Variants in C20orf96 observed in about 807,000 individuals in gnomAD.
C20orf96 encodes the protein uncharacterized protein C20orf96.
In C20orf96, 57 loss-of-function variants were observed where a neutral mutation model predicts 52.6. The observed-to-expected ratio is 1.08, with a 90% CI of 0.88 to 1.35. The LOEUF (loss-of-function observed/expected upper bound fraction) is 1.35, where lower values mean the gene tolerates loss of function less well. Ranked by LOEUF, C20orf96 falls within the 40% of genes most tolerant of loss-of-function variation. The pLI is 0.00. For synonymous variants in C20orf96, 168 were observed against 157.2 expected, an observed-to-expected ratio of 1.07 and a Z score of -0.51; for missense variants, 478 against 443.6, an observed-to-expected ratio of 1.08 and a Z score of -0.70.
In C20orf96 at chr20:277,099, G is replaced by A. The variant is rs774507819; in HGVS notation, c.770C>T (p.Ser257Phe). The change falls in exon 8 of 11, where the codon TCC becomes TTC. Residue 257 changes from serine to phenylalanine, a missense_variant. By Grantham distance (155) the Ser-to-Phe change is radical. Transcript: ENST00000360321. Reference sequence around the variant, plus strand: ...CTTCTTCTGAATCTTGTCAGACAAGGATTCCAGGACCTTTCTGCGCATCTC... The same window carrying A: ...CTTCTTCTGAATCTTGTCAGACAAGAATTCCAGGACCTTTCTGCGCATCTC... ...LGEMRRKVLE[S>F]LSDKIQKKKK... 1 of 1,613,950 alleles carries A rather than the reference G, an allele frequency of 6.2e-7. No homozygotes were observed. Among genetic ancestry groups the A allele is most frequent in the South Asian group, 1.1e-5 (1 of 91,072 alleles).
chr20:271,826 T>C, intron 10 of C20orf96, among the ~76,000 whole-genome samples: 1 of 152,210 alleles, frequency 6.6e-6, no homozygotes. Context: ...TGCCAGCAGG[T>C]AATAAGTGCT....
intron 10 of C20orf96, 128 bp downstream of exon 10, chr20:275,840 C>T (rs1600184164): frequency 6.9e-6 from 6 of 875,726 alleles, no homozygotes; most frequent in South Asian, 1.5e-5. Flanking sequence ...GGTGGAAACC[C>T]AGGACCGCCC....
chr20:281,184 C>A (rs887501134), intron 4 of C20orf96, among the ~76,000 whole-genome samples: 1 of 152,004 alleles, frequency 6.6e-6, no homozygotes, highest in Non-Finnish European at 1.5e-5. Context: ...TAAATAAATA[C>A]AATTTTAAAA....
intron 8 of C20orf96, 59 bp downstream of exon 8, chr20:276,985 G>A: frequency 6.3e-7 from 1 of 1,595,860 alleles, no homozygotes; most frequent in Non-Finnish European, 8.6e-7. Flanking sequence ...GGATGGGGAA[G>A]AGGGCGGGGT....
chr20:283,937 G>C (rs1339991330), intron 4 of C20orf96, 26 bp downstream of exon 4: 1 of 1,500,492 alleles, frequency 6.7e-7, no homozygotes, highest in Admixed American at 1.7e-5. Flanking sequence ...CCTGGGCCCA[G>C]TGTCCAGGGA....
chr20:277,797 C>T (rs1372311871), intron 6 of C20orf96, among the ~76,000 whole-genome samples: 1 of 120,072 alleles, frequency 8.3e-6, no homozygotes, highest in Non-Finnish European at 1.9e-5. Flanking sequence ...TCCTGTCTTC[C>T]TCCAGAGAGA....
chr20:277,403 G>A lies in C20orf96; in HGVS notation c.566-20C>T. ...CAAGATCTGGGGAGGGGTTAGGGAG[G>A]TCAGCAGGGACAGGAGGCAAGACCT... On this transcript the variant is annotated intron_variant, in intron 6 of 10. Transcript: ENST00000360321. 6.2e-7 allele frequency: 1 copy of A among 1,612,314 alleles called. No individual in the cohort carries two copies.
At chr20:276,464 A>G in intron 9 of C20orf96, 2 of 985,450 alleles carry the variant, frequency 2.0e-6, no homozygotes, top group Non-Finnish European at 2.4e-6. Context: ...AAGTTCATTA[A>G]CACTGATAAT....
intron 3 of C20orf96, among the ~76,000 whole-genome samples, chr20:286,308 G>T (rs1487406510): frequency 6.6e-6 from 1 of 152,128 alleles, no homozygotes. Flanking sequence ...CCTGAGGTTA[G>T]GAGTTCAAGA....
Position 271,106 on chromosome 20 carries a change from G to T in C20orf96, c.*101C>A. 4 of 985,604 alleles carry T rather than the reference G, an allele frequency of 4.1e-6. No homozygotes were observed. Among genetic ancestry groups the T allele is most frequent in the Non-Finnish European group, 4.7e-6 (3 of 637,364 alleles). The allele number at this position is 985,604 out of a possible 1,614,324, so 61.1% of individuals were successfully genotyped here. ...GGGCAGAGGGAGCAGGGAGACTGTA[G>T]ATCAGGGTCTGAATGGAGATCCGGT... On this transcript the variant is annotated 3_prime_UTR_variant, in exon 11 of 11. Coordinates refer to ENST00000360321, the MANE Select transcript of C20orf96 (RefSeq NM_153269.3).
intron 6 of C20orf96, among the ~76,000 whole-genome samples, 167 bp from the exon 7 acceptor site, chr20:277,550 C>G (rs6132242): frequency 0.66 from 99,786 of 151,636 alleles, 33,953 homozygotes; most frequent in African/African-American, 0.85. Flanking sequence ...AGGCTCTAGA[C>G]GGTTTTCCAC....
rs117608505 is a variant in C20orf96, at chr20:283,034, G to A, written c.306+929C>T. On this transcript the variant is annotated intron_variant, in intron 4 of 10. Coordinates refer to ENST00000360321, the MANE Select transcript of C20orf96 (RefSeq NM_153269.3). ...CTTTATATAGTAGTCATTGTTCATT[G>A]AGCTATTAAAAATTTTCTTGAAGAA... 2.3e-3 allele frequency among the ~76,000 whole-genome samples: 350 copies of A among 152,228 alleles called. 11 individuals carry two copies. The East Asian group carries it at 0.054, about 24-fold the overall frequency.
chr20:286,710 A>G (rs6082182), intron 3 of C20orf96, among the ~76,000 whole-genome samples: 48,250 of 152,020 alleles, frequency 0.32, 8,384 homozygotes, highest in East Asian at 0.49. Context: ...TATCACAACC[A>G]GGATATTGAC....
At chr20:282,414 A>G (rs2012275619) in intron 4 of C20orf96, among the ~76,000 whole-genome samples, 1 of 152,230 alleles carries the variant, frequency 6.6e-6, no homozygotes, top group South Asian at 2.1e-4. Context: ...GGCACATGGT[A>G]GGTGCTCAAT....
chr20:286,775 G>A (rs780914588), intron 3 of C20orf96, among the ~76,000 whole-genome samples: 3 of 151,948 alleles, frequency 2.0e-5, no homozygotes, highest in South Asian at 2.1e-4. Context: ...CCTGCCTGTC[G>A]CCTTCTACAA....
chr20:278,355 T>C lies in C20orf96; in HGVS notation c.540A>G (p.Glu180=). 1 of 1,613,960 alleles carries C rather than the reference T, an allele frequency of 6.2e-7. No individual in the cohort carries two copies. The highest frequency in any genetic ancestry group is 8.5e-7 in the Non-Finnish European group (1 of 1,179,848). The change falls in exon 6 of 11, where the codon GAA becomes GAG. Residue 180 remains glutamate, a synonymous_variant. Transcript: ENST00000360321. ...AGCTCATCTTGCATTTCTTCTTTTC[T>C]TCCCACTCCTGAAGCTCAGATTTCA... is the stretch of plus-strand genomic sequence containing the variant. ...QQLKSELQEW[E]EKKKCKMSYL...
intron 10 of C20orf96, among the ~76,000 whole-genome samples, chr20:273,916 AGG>A (rs1843017770): frequency 2.0e-5 from 1 of 49,886 alleles, no homozygotes; most frequent in Non-Finnish European, 3.5e-5. Flanking sequence ...GGAGGGAGGG[AGG>A]GAGGGAGGGA....
chr20:288,775 G>A (rs1161110612), intron 3 of C20orf96, among the ~76,000 whole-genome samples: 1 of 152,184 alleles, frequency 6.6e-6, no homozygotes, highest in South Asian at 2.1e-4. Flanking sequence ...TTTATACATA[G>A]ATGTATACAT....
chr20:281,415 G>A (rs1311877171), intron 4 of C20orf96, among the ~76,000 whole-genome samples: 7 of 151,798 alleles, frequency 4.6e-5, no homozygotes, highest in African/African-American at 1.7e-4. Context: ...AACAATAGCT[G>A]ATACTACTGT....
Sources: allele counts gnomAD v4.1 joint callset (sites outside exome capture counted in the v4.1 genomes callset), GRCh38; gene constraint gnomAD v4.1.1; transcripts MANE v1.5; gene names NCBI Gene and HGNC (gene_info 2026-07-23, HGNC 2026-07-21).